Variants in SPTSSA observed in about 807,000 individuals in gnomAD.
SPTSSA encodes small subunit of serine palmitoyltransferase A.
Under a neutral mutation model 9.1 loss-of-function variants are expected in SPTSSA, and 8 were observed. The ratio of observed to expected loss-of-function variants is 0.88; its 90% CI spans 0.51 to 1.58. SPTSSA has a LOEUF of 1.58. SPTSSA is among the 40% of genes most tolerant of loss of function. The pLI is 0.00. For synonymous variants in SPTSSA, 42 were observed against 37.7 expected (o/e 1.11, Z -0.41); for missense variants, 100 against 93.8 (o/e 1.07, Z -0.27).
At position 34,447,095 on chromosome 14, in the gene SPTSSA, G is replaced by A. The variant is rs145327604; in HGVS notation, c.113-11791C>T. ...AAAAATTAGCCGGCCGTGGTGGCAG[G>A]CACCTGTAATCCCAGCTACTCTGGA... On this transcript the variant is annotated intron_variant, in intron 1 of 1. Transcript: ENST00000298130. 2.5e-3 allele frequency among the ~76,000 whole-genome samples: 385 copies of A among 151,840 alleles called. 2 individuals are homozygous for A. Among genetic ancestry groups the A allele is most frequent in the African/African-American group, 8.9e-3 (369 of 41,404 alleles).
chr14:34,457,785 AACATGGTGAAACCCC>A (rs1478650528), intron 1 of SPTSSA, among the ~76,000 whole-genome samples: 4 of 152,042 alleles, frequency 2.6e-5, no homozygotes, highest in Admixed American at 6.6e-5. Context: ...CAGCCTGGCT[AACATGGTGAAACCCC>A]ACCTCAACTA....
At chr14:34,436,416 CTG>C (rs2138815602) in intron 1 of SPTSSA, among the ~76,000 whole-genome samples, 1 of 152,308 alleles carries the variant, frequency 6.6e-6, no homozygotes, top group Non-Finnish European at 1.5e-5. Context: ...AGAGGAATAA[CTG>C]TTTTTGAACT....
At chr14:34,457,050 C>T (rs1348484203) in intron 1 of SPTSSA, among the ~76,000 whole-genome samples, 1 of 151,170 alleles carries the variant, frequency 6.6e-6, no homozygotes, top group Non-Finnish European at 1.5e-5. Flanking sequence ...ACAATCTTGG[C>T]TCACTGCAAC....
chr14:34,453,886 A>AAG (rs1243321683), intron 1 of SPTSSA, among the ~76,000 whole-genome samples: 1 of 149,656 alleles, frequency 6.7e-6, no homozygotes, highest in East Asian at 1.9e-4. Context: ...TGTTCTTTTA[A>AAG]AAAAAAAAAG....
Position 34,459,383 on chromosome 14 carries a change from C to A in SPTSSA, c.112+2713G>T, listed in dbSNP as rs1465183555. ...GCTGAGGCAGGAGAATCGCTTGAAT[C>A]CGGGATGCAAAGTTGCAGTGAGCCA... On this transcript the variant is annotated intron_variant, in intron 1 of 1. Transcript: ENST00000298130. 4.6e-5 allele frequency among the ~76,000 whole-genome samples: 6 copies of A among 131,206 alleles called. No individual in the cohort carries two copies. The South Asian group carries it at 1.4e-3, about 30-fold the overall frequency. The allele number at this position is 131,206 out of a possible 152,430, so 86.1% of individuals were successfully genotyped here.
rs546786841 is a variant in SPTSSA at position 34,451,065 on chromosome 14, TAA to T, written c.112+11029_112+11030del. On this transcript the variant is annotated intron_variant, in intron 1 of 1. Transcript: ENST00000298130. Reference sequence around the variant, plus strand: ...CATAAAAAGACCATTATCAGCAACTTAAAAAAAAAAAGTCCTATAATAAAGAG... The same window carrying T: ...CATAAAAAGACCATTATCAGCAACTTAAAAAAAAAGTCCTATAATAAAGAG... Among the ~76,000 whole-genome samples the T allele has an allele frequency of 2.6e-4, 37 of 141,770 alleles. No individual in the cohort carries two copies. In the East Asian group the frequency reaches 6.8e-3, roughly 26 times the overall value. The allele number at this position is 141,770 out of a possible 152,430, so 93.0% of individuals were successfully genotyped here. A position where few individuals can be genotyped will look rare whatever the true frequency, so the allele number is the denominator to read the frequency against.
intron 1 of SPTSSA, among the ~76,000 whole-genome samples, chr14:34,459,584 C>T (rs1594628055): frequency 2.0e-5 from 3 of 152,038 alleles, no homozygotes; most frequent in African/African-American, 7.2e-5. Flanking sequence ...AGTTCGAGAC[C>T]AGCCTGGCCA....
In SPTSSA at chr14:34,433,974, A is replaced by G. The variant is rs75703390; in HGVS notation, c.*1227T>C. ...CAAGACTCCGTCTCAAAAAAAAAAA[A>G]ACAAAAAAACAACCCAGCAACACAC... On this transcript the variant is annotated 3_prime_UTR_variant, in exon 2 of 2. Coordinates refer to ENST00000298130, the MANE Select transcript of SPTSSA (RefSeq NM_138288.4). 7.1e-6 allele frequency: 1 copy of G among 140,940 alleles called. No homozygotes were observed. Among genetic ancestry groups the G allele is most frequent in the South Asian group, 2.1e-4 (1 of 4,808 alleles). 8.7% of individuals were successfully genotyped at this position (140,940 alleles called of 1,614,324 possible).
At chr14:34,440,819 T>C (rs956755223) in intron 1 of SPTSSA, among the ~76,000 whole-genome samples, 2 of 151,120 alleles carry the variant, frequency 1.3e-5, no homozygotes, top group Admixed American at 1.3e-4. Flanking sequence ...AGGCGGAGGG[T>C]GTGGTGAGCC....
chr14:34,452,672 G>A (rs117097434), intron 1 of SPTSSA, among the ~76,000 whole-genome samples: 3,089 of 152,194 alleles, frequency 0.02, 48 homozygotes, highest in Middle Eastern at 0.051. Flanking sequence ...GAGACACTAA[G>A]GTTATAGTGT....
At chr14:34,438,583 T>C (rs1445019388) in intron 1 of SPTSSA, among the ~76,000 whole-genome samples, 3 of 152,192 alleles carry the variant, frequency 2.0e-5, no homozygotes, top group African/African-American at 7.2e-5. Context: ...ACTGAACTCA[T>C]TAACCTTCTC....
chr14:34,451,381 A>G (rs974624180), intron 1 of SPTSSA, among the ~76,000 whole-genome samples: 5 of 152,210 alleles, frequency 3.3e-5, no homozygotes, highest in African/African-American at 1.2e-4. Context: ...GCAAAGCTAA[A>G]ACAACATTTA....
intron 1 of SPTSSA, among the ~76,000 whole-genome samples, chr14:34,451,549 C>T (rs1465262395): frequency 6.6e-6 from 1 of 151,818 alleles, no homozygotes; most frequent in Non-Finnish European, 1.5e-5. Context: ...CGGTGAAACC[C>T]CGTCTCTACT....
chr14:34,452,041 C>G (rs1032033066), intron 1 of SPTSSA, among the ~76,000 whole-genome samples: 2 of 151,870 alleles, frequency 1.3e-5, no homozygotes, highest in African/African-American at 4.8e-5. Context: ...CCCATGCCAG[C>G]ACTTTGGGAG....
intron 1 of SPTSSA, among the ~76,000 whole-genome samples, chr14:34,443,196 GGGGTGTGTGTGTGT>G (rs1883355512): frequency 2.4e-4 from 4 of 16,788 alleles, no homozygotes; most frequent in Admixed American, 7.3e-4. Flanking sequence ...TTTCCTCTAG[GGGGTGTGTGTGTGT>G]GTGTGTGTGT....
At chr14:34,458,266 C>T (rs1274271822) in intron 1 of SPTSSA, among the ~76,000 whole-genome samples, 2 of 151,844 alleles carry the variant, frequency 1.3e-5, no homozygotes, top group African/African-American at 2.4e-5. Context: ...CATCTCAGCT[C>T]ACTGCAACCT....
At chr14:34,456,008 T>G (rs781520260) in intron 1 of SPTSSA, among the ~76,000 whole-genome samples, 2 of 151,074 alleles carry the variant, frequency 1.3e-5, no homozygotes, top group Non-Finnish European at 2.9e-5. Flanking sequence ...ATAATTTAGT[T>G]GCTACTGAAA....
intron 1 of SPTSSA, among the ~76,000 whole-genome samples, chr14:34,460,156 A>C: frequency 6.6e-6 from 1 of 152,200 alleles, no homozygotes; most frequent in African/African-American, 2.4e-5. Flanking sequence ...GTTTTAAATG[A>C]TTCTAGAAGT....
intron 1 of SPTSSA, among the ~76,000 whole-genome samples, chr14:34,442,093 C>T (rs113578189): frequency 0.071 from 10,809 of 152,174 alleles, 694 homozygotes; most frequent in African/African-American, 0.17. Flanking sequence ...CCAGGCTGGT[C>T]TCAAACTCCT....
Sources: allele counts gnomAD v4.1 joint callset (sites outside exome capture counted in the v4.1 genomes callset), GRCh38; gene constraint gnomAD v4.1.1; transcripts MANE v1.5; gene names NCBI Gene and HGNC (gene_info 2026-07-23, HGNC 2026-07-21).